The following PARD3B variants were observed in gnomAD, a reference collection of about 807,000 sequenced individuals.
The protein encoded by PARD3B is par-3 family cell polarity regulator beta.
PARD3B carries 103 observed loss-of-function variants against 130.2 expected under a neutral mutation model. That is an observed-to-expected ratio of 0.79 (90% CI 0.67 to 0.93). The LOEUF (loss-of-function observed/expected upper bound fraction) is 0.93. PARD3B is among the 40% of genes least tolerant of loss of function. The probability of loss-of-function intolerance (pLI) is 0.00; values close to 1 mark genes in which losing one functional copy is unlikely to be tolerated. For synonymous variants in PARD3B, 583 were observed against 553.2 expected (o/e 1.05, Z -0.76); for missense variants, 1,609 against 1,499.2 (o/e 1.07, Z -1.21).
intron 14 of PARD3B, among the ~76,000 whole-genome samples, chr2:205,190,290 C>T (rs1359315286): frequency 1.3e-5 from 2 of 152,130 alleles, no homozygotes; most frequent in East Asian, 3.9e-4. Flanking sequence ...ACACATTGTT[C>T]AGTTGGGTAG....
intron 1 of PARD3B, among the ~76,000 whole-genome samples, chr2:204,596,310 A>G (rs574024932): frequency 1.3e-5 from 2 of 152,282 alleles, no homozygotes; most frequent in South Asian, 4.1e-4. Flanking sequence ...CCACTGATCA[A>G]TGTGGCTTCA....
At chr2:205,390,231 A>G (rs536841050) in intron 18 of PARD3B, among the ~76,000 whole-genome samples, 2 of 151,968 alleles carry the variant, frequency 1.3e-5, no homozygotes, top group African/African-American at 4.8e-5. Context: ...CCCAGGGGAA[A>G]AAACAATTCT....
chr2:205,194,584 G>A (rs546011430), intron 15 of PARD3B, among the ~76,000 whole-genome samples: 1 of 152,136 alleles, frequency 6.6e-6, no homozygotes, highest in Non-Finnish European at 1.5e-5. Context: ...AAGATGAATG[G>A]ATCAAAACTG....
intron 18 of PARD3B, among the ~76,000 whole-genome samples, chr2:205,362,506 A>G (rs34332011): frequency 0.6 from 91,180 of 152,010 alleles, 30,642 homozygotes; most frequent in South Asian, 0.77. Flanking sequence ...GCATCTTGAG[A>G]GGCATAAATG....
At chr2:205,126,639 G>T (rs112373916) in intron 10 of PARD3B, among the ~76,000 whole-genome samples, 19 of 150,586 alleles carry the variant, frequency 1.3e-4, no homozygotes, top group Non-Finnish European at 2.5e-4. Context: ...CCAGCTACTC[G>T]GGAGGCTGAG....
At chr2:204,921,299 C>G (rs2047668454) in intron 2 of PARD3B, among the ~76,000 whole-genome samples, 1 of 152,132 alleles carries the variant, frequency 6.6e-6, no homozygotes, top group Non-Finnish European at 1.5e-5. Flanking sequence ...GTATCCCTGT[C>G]TAGATCATAC....
In PARD3B at chr2:205,440,555, G is replaced by A. The variant is rs200507437; in HGVS notation, c.2927G>A (p.Arg976Gln). 35 of 1,613,966 alleles carry A rather than the reference G, an allele frequency of 2.2e-5. No individual in the cohort carries two copies. The highest frequency in any genetic ancestry group is 1.1e-4 in the African/African-American group (8 of 74,988). ...GTCTTTAGATCTCCATCTCCCCCTC[G>A]AGCTGGACCATTTGGTTACCCTCGG... Reference protein sequence around the residue: ...ANVFRSPSPPRAGPFGYPRDG... With the variant: ...ANVFRSPSPPQAGPFGYPRDG... Residue 976 changes from arginine to glutamine, a missense_variant, in exon 20 of 23, where the codon CGA becomes CAA. Coordinates refer to ENST00000406610, the MANE Select transcript of PARD3B (RefSeq NM_001302769.2). This position sits in a 1 kb window ranked among gnomAD's most constrained non-coding sequence, Gnocchi z 4.2.
intron 2 of PARD3B, among the ~76,000 whole-genome samples, chr2:204,808,768 T>C (rs1368866993): frequency 6.6e-6 from 1 of 152,180 alleles, no homozygotes; most frequent in Non-Finnish European, 1.5e-5. Context: ...TTCTTTGCTA[T>C]TGTGAATAGT....
intron 1 of PARD3B, among the ~76,000 whole-genome samples, chr2:204,643,038 C>CG (rs1407158089): frequency 4.9e-5 from 7 of 141,636 alleles, no homozygotes; most frequent in Non-Finnish European, 7.5e-5. Context: ...CATTTGAACC[C>CG]GGGGGGCGCA....
intron 2 of PARD3B, among the ~76,000 whole-genome samples, chr2:204,734,522 G>A (rs2039659713): frequency 6.6e-6 from 1 of 152,128 alleles, no homozygotes; most frequent in Non-Finnish European, 1.5e-5. Context: ...CACCTGGTAA[G>A]CAGATGAGCA....
At chr2:205,003,653 G>C (rs964875722) in intron 3 of PARD3B, among the ~76,000 whole-genome samples, 4 of 152,206 alleles carry the variant, frequency 2.6e-5, no homozygotes, top group African/African-American at 9.7e-5. Context: ...ATAGGAAACA[G>C]TTTATTTTTA....
intron 1 of PARD3B, among the ~76,000 whole-genome samples, chr2:204,599,686 T>TAG (rs1454463370): frequency 6.6e-6 from 1 of 151,866 alleles, no homozygotes; most frequent in Admixed American, 6.6e-5. Flanking sequence ...TGATTTCCTT[T>TAG]TCTTTGGTAA....
At chr2:205,303,519 A>G (rs2042085527) in intron 18 of PARD3B, among the ~76,000 whole-genome samples, 1 of 152,080 alleles carries the variant, frequency 6.6e-6, no homozygotes, top group South Asian at 2.1e-4. Flanking sequence ...CACAGCATCT[A>G]CCTGGCTTAT....
rs2047084791 is a variant in PARD3B, at chr2:204,907,640, T to C, written c.223-57512T>C. Among the ~76,000 whole-genome samples, 2 of 152,162 alleles carry C rather than the reference T, an allele frequency of 1.3e-5. No homozygotes were observed. The highest frequency in any genetic ancestry group is 1.3e-4 in the Admixed American group (2 of 15,280). On this transcript the variant is annotated intron_variant, in intron 2 of 22. Transcript: ENST00000406610. This position sits in a 1 kb window ranked among gnomAD's most constrained non-coding sequence, Gnocchi z 5.7. ...TAAAATTGTGTCTCTTTATAGATAT[T>C]ATAAGACTTTCTTGACATGTTACTT...
In PARD3B at chr2:205,207,589, C is replaced by G. The variant is rs952606902; in HGVS notation, c.2140+14269C>G. Among the ~76,000 whole-genome samples, 6 of 142,628 alleles carry G rather than the reference C, an allele frequency of 4.2e-5. 1 individual carries two copies. The Middle Eastern group carries it at 0.017, about 413-fold the overall frequency. 93.6% of individuals were successfully genotyped at this position (142,628 alleles called of 152,430 possible). ...CTACCATCAGAGAATACTACAAACA[C>G]CTCTACACAAATAAACTAGAAAATC... On this transcript the variant is annotated intron_variant, in intron 15 of 22. Transcript: ENST00000406610.
chr2:205,416,780 AT>A lies in PARD3B; in HGVS notation c.2741+15667del, dbSNP rs536453495. On this transcript the variant is annotated intron_variant, in intron 19 of 22. Coordinates refer to ENST00000406610, the MANE Select transcript of PARD3B (RefSeq NM_001302769.2). ...ATAGATGCTAAGGACTCAAGGATTA[AT>A]TTTTTTTTTAAGGAGAAATAAGATT... 3.2e-3 allele frequency among the ~76,000 whole-genome samples: 473 copies of A among 149,948 alleles called. 1 individual carries two copies. Among genetic ancestry groups the A allele is most frequent in the South Asian group, 0.011 (51 of 4,714 alleles).
At position 205,473,696 on chromosome 2, in the gene PARD3B, A is replaced by G. The variant is rs1267925729; in HGVS notation, c.3045-26200A>G. On this transcript the variant is annotated intron_variant, in intron 20 of 22. Coordinates refer to ENST00000406610, the MANE Select transcript of PARD3B (RefSeq NM_001302769.2). The surrounding 1 kb of genome is among the most constrained non-coding windows in gnomAD (Gnocchi z 4.9). ...TGTGTGTGTGTATGTATATATATAT[A>G]TATATATATATATACACACACACGT... Among the ~76,000 whole-genome samples, 2,159 of 124,556 alleles carry G rather than the reference A, an allele frequency of 0.017. 50 individuals are homozygous for G. The highest frequency in any genetic ancestry group is 0.066 in the African/African-American group (1,765 of 26,806). The allele number at this position is 124,556 out of a possible 152,430, so 81.7% of individuals were successfully genotyped here. A position where few individuals can be genotyped will look rare whatever the true frequency, so the allele number is the denominator to read the frequency against.
intron 12 of PARD3B, among the ~76,000 whole-genome samples, chr2:205,173,557 G>A (rs2035296253): frequency 6.6e-6 from 1 of 152,130 alleles, no homozygotes; most frequent in African/African-American, 2.4e-5. Flanking sequence ...GAGTAAACTT[G>A]AGTAGTAAAG....
intron 22 of PARD3B, among the ~76,000 whole-genome samples, chr2:205,553,893 AG>A (rs551068750): frequency 6.4e-4 from 97 of 151,934 alleles, no homozygotes; most frequent in Non-Finnish European, 1.1e-3. Context: ...TATTGCTGAG[AG>A]GCACAGACCC....
Sources: gnomAD v4.1 joint callset for allele counts (sites outside exome capture counted in the v4.1 genomes callset) on GRCh38, gnomAD v4.1.1 for gene constraint, Gnocchi (gnomAD v3.1) non-coding constraint, MANE v1.5 for transcripts, NCBI Gene and HGNC (gene_info 2026-07-23, HGNC 2026-07-21) for gene names.